Variants in ALDH18A1 observed in about 807,000 individuals in gnomAD.
The protein encoded by ALDH18A1 is aldehyde dehydrogenase 18 family member A1.
In ALDH18A1, 44 loss-of-function variants were observed where a neutral mutation model predicts 88.8. That is an observed-to-expected ratio of 0.50 (90% CI 0.39 to 0.64). The LOEUF (loss-of-function observed/expected upper bound fraction) is 0.64. ALDH18A1 is among the 30% of genes least tolerant of loss of function. The pLI, the probability that ALDH18A1 is intolerant of heterozygous loss-of-function variation, is 0.00. For synonymous variants in ALDH18A1, 331 were observed against 372.1 expected, an observed-to-expected ratio of 0.89 and a Z score of 1.27; for missense variants, 782 against 1,009.5, an observed-to-expected ratio of 0.77 and a Z score of 3.05.
intron 3 of ALDH18A1, among the ~76,000 whole-genome samples, chr10:95,641,376 A>AG: frequency 1.3e-5 from 2 of 152,290 alleles, no homozygotes; most frequent in South Asian, 4.1e-4. Flanking sequence ...TTTCTAAGGT[A>AG]GAGAGGGTAG....
intron 15 of ALDH18A1, among the ~76,000 whole-genome samples, chr10:95,611,769 CA>C (rs34752566): frequency 0.39 from 58,702 of 151,850 alleles, 12,938 homozygotes; most frequent in Admixed American, 0.5. Flanking sequence ...GTCAGGAGTT[CA>C]AAAACCAACC....
chr10:95,650,351 G>T (rs1425664307), intron 2 of ALDH18A1, among the ~76,000 whole-genome samples: 1 of 152,208 alleles, frequency 6.6e-6, no homozygotes, highest in Non-Finnish European at 1.5e-5. Flanking sequence ...CTAATACCTG[G>T]AAGTGCTATG....
At chr10:95,632,562 C>CT (rs2097872265) in intron 7 of ALDH18A1, among the ~76,000 whole-genome samples, 1 of 152,278 alleles carries the variant, frequency 6.6e-6, no homozygotes, top group Admixed American at 6.5e-5. Flanking sequence ...CAGGGACTCA[C>CT]TATATTACCC....
intron 5 of ALDH18A1, among the ~76,000 whole-genome samples, chr10:95,634,004 G>C (rs1016355564): frequency 6.6e-6 from 1 of 151,790 alleles, no homozygotes; most frequent in Admixed American, 6.6e-5. Context: ...ACAGGGTTTC[G>C]CCATGTTGGC....
At chr10:95,614,246 A>T in intron 13 of ALDH18A1, 85 bp from the exon 14 acceptor site, 1 of 1,367,812 alleles carries the variant, frequency 7.3e-7, no homozygotes, top group Non-Finnish European at 1.0e-6. Flanking sequence ...ACAGATAAAC[A>T]TCTGTACACT....
At chr10:95,647,359 T>A (rs1215690048) in intron 2 of ALDH18A1, among the ~76,000 whole-genome samples, 2 of 152,186 alleles carry the variant, frequency 1.3e-5, no homozygotes, top group African/African-American at 4.8e-5. Flanking sequence ...TCCTTAACTA[T>A]CTCATAAGGT....
intron 12 of ALDH18A1, among the ~76,000 whole-genome samples, chr10:95,618,335 T>C (rs994642761): frequency 2.0e-5 from 3 of 152,188 alleles, no homozygotes; most frequent in Non-Finnish European, 4.4e-5. Flanking sequence ...TCTTTTCTCT[T>C]TTTTGAGATG....
At chr10:95,613,935 G>A (rs771009824) in intron 14 of ALDH18A1, 31 bp downstream of exon 14, 54 of 1,614,076 alleles carry the variant, frequency 3.3e-5, no homozygotes, top group Non-Finnish European at 3.6e-5. Context: ...ATATTTCTCC[G>A]TTGTGAAAGA....
At chr10:95,616,792 T>A in intron 12 of ALDH18A1, 178 bp from the exon 13 acceptor site, 1 of 847,452 alleles carries the variant, frequency 1.2e-6, no homozygotes, top group Non-Finnish European at 1.9e-6. Flanking sequence ...TCCCCTACTT[T>A]ACAGATAAGG....
intron 2 of ALDH18A1, among the ~76,000 whole-genome samples, chr10:95,651,706 C>A: frequency 6.6e-6 from 1 of 152,146 alleles, no homozygotes. Flanking sequence ...ATCTCAAGGA[C>A]AGCACCAAGG....
chr10:95,654,688 C>A (rs1041327606), intron 1 of ALDH18A1, among the ~76,000 whole-genome samples: 2 of 150,222 alleles, frequency 1.3e-5, no homozygotes, highest in African/African-American at 4.9e-5. Flanking sequence ...TGCAGCTGTT[C>A]TAAAACATAT....
chr10:95,616,731 C>A, intron 12 of ALDH18A1, 117 bp from the exon 13 acceptor site: 1 of 1,344,904 alleles, frequency 7.4e-7, no homozygotes. Flanking sequence ...TTTTAGAAGG[C>A]CTATGCTGTT....
At chr10:95,609,438 T>C (rs936083852) in intron 17 of ALDH18A1, among the ~76,000 whole-genome samples, 2 of 152,222 alleles carry the variant, frequency 1.3e-5, no homozygotes, top group African/African-American at 4.8e-5. Context: ...TGTGCCATTT[T>C]GACGAAATAA....
At chr10:95,651,687 TCACTCACTA>T (rs1343026306) in intron 2 of ALDH18A1, among the ~76,000 whole-genome samples, 1 of 151,914 alleles carries the variant, frequency 6.6e-6, no homozygotes, top group African/African-American at 2.4e-5. Context: ...TTGTGAGAAG[TCACTCACTA>T]TCTCAAGGAC....
rs7099284 is a variant in ALDH18A1 at position 95,606,989 on chromosome 10, C to T, written c.2207-46G>A. 793,889 of 1,601,886 alleles carry T rather than the reference C, an allele frequency of 0.5. 207,037 individuals are homozygous for T. The highest frequency in any genetic ancestry group is 0.55 in the Admixed American group (32,783 of 59,920). On this transcript the variant is annotated intron_variant, in intron 17 of 17. Coordinates refer to ENST00000371224, the MANE Select transcript of ALDH18A1 (RefSeq NM_002860.4). ...AAGATGTAGCTTTTCCCAGCCTCTG[C>T]TTCCTGTCCATGCCCCAGACCCACC...
Position 95,614,091 on chromosome 10 carries a change from C to A in ALDH18A1, c.1676G>T (p.Gly559Val), listed in dbSNP as rs1316949879. 1 of 1,614,070 alleles carries A rather than the reference C, an allele frequency of 6.2e-7. No homozygotes were observed. The highest frequency in any genetic ancestry group is 8.5e-7 in the Non-Finnish European group (1 of 1,180,042). Residue 559 changes from glycine to valine, a missense_variant, in exon 14 of 18, where the codon GGC becomes GTC. Gly to Val is a moderately radical substitution (Grantham distance 109, BLOSUM62 -3). Transcript: ENST00000371224. ...DKMIDLIIPRGSSQLVRDIQK... is the reference protein window; with the variant it reads ...DKMIDLIIPRVSSQLVRDIQK... ...GATGTCTCTGACCAGCTGGGAAGAG[C>A]CACGTGGAATGATCAGATCTATCAT...
chr10:95,628,732 G>T (rs1206692539), intron 7 of ALDH18A1: 1 of 507,004 alleles, frequency 2.0e-6, no homozygotes, highest in East Asian at 3.7e-5. Context: ...CCCAACATCA[G>T]ATCATGGCCA....
In ALDH18A1 at chr10:95,630,531, T is replaced by C. The variant is rs1271085369; in HGVS notation, c.809-2039A>G. ...TTCAAGACCAGCCTGGCCAACATGGTGAAACCCCTTCTCTACTAAAAATAC... is the reference window on the plus strand; with the variant it reads ...TTCAAGACCAGCCTGGCCAACATGGCGAAACCCCTTCTCTACTAAAAATAC... On this transcript the variant is annotated intron_variant, in intron 7 of 17. Transcript: ENST00000371224. Among the ~76,000 whole-genome samples the C allele has an allele frequency of 2.6e-5, 4 of 152,106 alleles. No individual in the cohort carries two copies. The East Asian group carries it at 5.8e-4, about 22-fold the overall frequency.
At chr10:95,647,246 T>C (rs185843132) in intron 2 of ALDH18A1, among the ~76,000 whole-genome samples, 8 of 152,328 alleles carry the variant, frequency 5.3e-5, no homozygotes, top group African/African-American at 1.9e-4. Context: ...CCAGGAGTTG[T>C]GCTAAGTATT....
Sources: allele counts gnomAD v4.1 joint callset (sites outside exome capture counted in the v4.1 genomes callset), GRCh38; gene constraint gnomAD v4.1.1; transcripts MANE v1.5; gene names NCBI Gene and HGNC (gene_info 2026-07-23, HGNC 2026-07-21).